EFL1: variants seen among roughly 807,000 people sequenced by gnomAD.
EFL1 encodes the protein elongation factor like GTPase 1.
EFL1 carries 76 observed loss-of-function variants against 126.7 expected under a neutral mutation model. The observed-to-expected ratio is 0.60, with a 90% CI of 0.50 to 0.73. The LOEUF is 0.73. Ranked by LOEUF, EFL1 falls within the 30% of genes least tolerant of loss-of-function variation. The pLI is 0.00. For missense variants in EFL1, 1,128 were observed against 1,343.2 expected (o/e 0.84, Z 2.50); for synonymous variants, 410 against 448.4 (o/e 0.91, Z 1.08).
chr15:82,216,593 C>T (rs985836239), intron 14 of EFL1, among the ~76,000 whole-genome samples: 1 of 152,076 alleles, frequency 6.6e-6, no homozygotes, highest in African/African-American at 2.4e-5. Context: ...GTGGACAAAG[C>T]TAATCAGTGG....
At chr15:82,159,345 A>C (rs2073999228) in intron 16 of EFL1, among the ~76,000 whole-genome samples, 1 of 152,198 alleles carries the variant, frequency 6.6e-6, no homozygotes, top group African/African-American at 2.4e-5. Flanking sequence ...CCATCAAACA[A>C]ATTATAAAGT....
intron 4 of EFL1, among the ~76,000 whole-genome samples, chr15:82,247,390 A>G (rs887407695): frequency 1.3e-5 from 2 of 152,130 alleles, no homozygotes; most frequent in Non-Finnish European, 2.9e-5. Context: ...AGATTCAGGT[A>G]AAAAGAACAA....
chr15:82,241,374 C>T lies in EFL1; in HGVS notation c.274G>A (p.Asp92Asn), dbSNP rs1251779749. 1 of 1,614,044 alleles carries T rather than the reference C, an allele frequency of 6.2e-7. No homozygotes were observed. Residue 92 changes from aspartate (D) to asparagine (N), a missense_variant, in exon 5 of 20, where the codon GAC becomes AAC. Physicochemically the swap from Asp to Asn is conservative, Grantham distance 23. Around this residue, in one of 6 missense-constraint regions of EFL1, gnomAD observed 118 missense variants for 188.1 expected, o/e 0.63. Coordinates refer to ENST00000268206, the MANE Select transcript of EFL1 (RefSeq NM_024580.6). ...GAAAAGTCCACGTGTCCTGGAGAGT[C>T]TATCAGATTGATCAGGTACTCCTCA... ...GNEEYLINLI[D>N]SPGHVDFSSE...
intron 7 of EFL1, among the ~76,000 whole-genome samples, chr15:82,234,788 A>G (rs2141320351): frequency 6.6e-6 from 1 of 152,268 alleles, no homozygotes; most frequent in Non-Finnish European, 1.5e-5. Context: ...TTCTAGTTCT[A>G]TGATCCCTGC....
chr15:82,224,879 A>G (rs1347021882), intron 12 of EFL1, among the ~76,000 whole-genome samples: 1 of 152,230 alleles, frequency 6.6e-6, no homozygotes, highest in Admixed American at 6.5e-5. Context: ...CTTGCCTGAC[A>G]TGTTTAATAA....
rs184280790 is a variant in EFL1, at chr15:82,256,871, G to A, written c.159+2217C>T. Among the ~76,000 whole-genome samples, 11 of 152,286 alleles carry A rather than the reference G, an allele frequency of 7.2e-5. No homozygotes were observed. In the East Asian group the frequency reaches 2.1e-3, roughly 29 times the overall value. On this transcript the variant is annotated intron_variant, in intron 3 of 19. Coordinates refer to ENST00000268206, the MANE Select transcript of EFL1 (RefSeq NM_024580.6). ...ATACTATGCTGAATTGTTTGTTAATGAGGATGATAATTTTTGCATCCATAA... is the reference window on the plus strand; with the variant it reads ...ATACTATGCTGAATTGTTTGTTAATAAGGATGATAATTTTTGCATCCATAA...
At chr15:82,214,428 T>C (rs1201561997) in intron 15 of EFL1, among the ~76,000 whole-genome samples, 1 of 152,200 alleles carries the variant, frequency 6.6e-6, no homozygotes, top group African/African-American at 2.4e-5. Flanking sequence ...TGACTTTATG[T>C]GAACAGGAAT....
intron 15 of EFL1, among the ~76,000 whole-genome samples, chr15:82,168,146 C>G (rs1344247202): frequency 6.6e-6 from 1 of 152,164 alleles, no homozygotes; most frequent in Non-Finnish European, 1.5e-5. Context: ...CATTTGGATA[C>G]CAAAGCAGCT....
At chr15:82,190,832 T>C (rs192833660) in intron 15 of EFL1, among the ~76,000 whole-genome samples, 1 of 152,314 alleles carries the variant, frequency 6.6e-6, no homozygotes, top group Non-Finnish European at 1.5e-5. Context: ...ATTTATTATA[T>C]GTGTATATAT....
At chr15:82,251,231 G>A (rs182985136) in intron 4 of EFL1, among the ~76,000 whole-genome samples, 8 of 151,958 alleles carry the variant, frequency 5.3e-5, no homozygotes, top group South Asian at 2.1e-4. Flanking sequence ...AAAAGAAAGC[G>A]TACCTAAAAC....
At chr15:82,181,353 T>G (rs2074249536) in intron 15 of EFL1, among the ~76,000 whole-genome samples, 1 of 152,210 alleles carries the variant, frequency 6.6e-6, no homozygotes, top group Non-Finnish European at 1.5e-5. Flanking sequence ...TCAAACTTTG[T>G]GACTATACTT....
chr15:82,172,374 TC>T (rs1183145844), intron 15 of EFL1, among the ~76,000 whole-genome samples: 3 of 152,164 alleles, frequency 2.0e-5, no homozygotes, highest in Non-Finnish European at 4.4e-5. Flanking sequence ...CAACAGCACA[TC>T]ACCCACAGCC....
chr15:82,251,525 G>C (rs747680697), intron 4 of EFL1, among the ~76,000 whole-genome samples: 2 of 152,182 alleles, frequency 1.3e-5, no homozygotes, highest in Non-Finnish European at 2.9e-5. Flanking sequence ...GAGTAAGGAA[G>C]AAGGCAGCCT....
chr15:82,235,747 A>G (rs2074866283), intron 7 of EFL1, among the ~76,000 whole-genome samples: 1 of 152,180 alleles, frequency 6.6e-6, no homozygotes. Context: ...CATTATTTCT[A>G]ACGGTGAAAG....
At chr15:82,197,163 G>T (rs1033032624) in intron 15 of EFL1, among the ~76,000 whole-genome samples, 4 of 152,048 alleles carry the variant, frequency 2.6e-5, no homozygotes, top group Non-Finnish European at 5.9e-5. Flanking sequence ...AAAATTGAAG[G>T]CTTGTGGTTT....
intron 18 of EFL1, among the ~76,000 whole-genome samples, chr15:82,145,603 G>C (rs1261367706): frequency 2.6e-5 from 4 of 151,958 alleles, no homozygotes; most frequent in African/African-American, 9.7e-5. Context: ...AGGCCGAGCT[G>C]GGTGGATTAC....
chr15:82,169,336 T>G (rs938507604), intron 15 of EFL1, among the ~76,000 whole-genome samples: 11 of 152,092 alleles, frequency 7.2e-5, no homozygotes, highest in African/African-American at 2.7e-4. Context: ...TTTGGGTCAG[T>G]CTGTTCCTAA....
At chr15:82,139,925 A>G (rs1246772994) in intron 18 of EFL1, among the ~76,000 whole-genome samples, 1 of 152,192 alleles carries the variant, frequency 6.6e-6, no homozygotes, top group Non-Finnish European at 1.5e-5. Flanking sequence ...AACTGACGAC[A>G]CAAAGCCAAA....
chr15:82,138,258 T>C (rs2073743342), intron 19 of EFL1, among the ~76,000 whole-genome samples: 2 of 152,182 alleles, frequency 1.3e-5, no homozygotes, highest in African/African-American at 4.8e-5. Flanking sequence ...TTACTGGAGA[T>C]ATTTTTTTTT....
Sources: gnomAD v4.1 joint callset for allele counts (sites outside exome capture counted in the v4.1 genomes callset) on GRCh38, gnomAD v4.1.1 for gene constraint, gnomAD v4.1.1 regional missense constraint, MANE v1.5 for transcripts, NCBI Gene and HGNC (gene_info 2026-07-23, HGNC 2026-07-21) for gene names.